Variants in SPAG16 observed in about 807,000 individuals in gnomAD.
The protein encoded by SPAG16 is sperm-associated antigen 16 protein.
In SPAG16, 86 loss-of-function variants were observed where a neutral mutation model predicts 80.4. The ratio of observed to expected loss-of-function variants is 1.07; its 90% confidence interval spans 0.90 to 1.28. SPAG16 has a LOEUF of 1.28. Ranked by LOEUF, SPAG16 falls within the 50% of genes most tolerant of loss-of-function variation. The probability of loss-of-function intolerance (pLI) is 0.00; values close to 1 mark genes in which losing one functional copy is unlikely to be tolerated. For missense variants in SPAG16, 870 were observed against 765.3 expected (o/e 1.14, Z -1.61); for synonymous variants, 294 against 265.9 (o/e 1.11, Z -1.03).
chr2:213,492,910 G>A (rs907278843), intron 10 of SPAG16, among the ~76,000 whole-genome samples: 9 of 152,092 alleles, frequency 5.9e-5, no homozygotes, highest in Non-Finnish European at 1.3e-4. Context: ...CACACACTAT[G>A]TCTGACCTTT....
At chr2:213,612,124 T>C in intron 10 of SPAG16, among the ~76,000 whole-genome samples, 1 of 152,116 alleles carries the variant, frequency 6.6e-6, no homozygotes, top group Non-Finnish European at 1.5e-5. Context: ...ATAGCAAAAA[T>C]AGAATGAGGG....
chr2:213,455,478 G>T (rs1267066009), intron 9 of SPAG16, among the ~76,000 whole-genome samples: 5 of 152,116 alleles, frequency 3.3e-5, no homozygotes, highest in Non-Finnish European at 7.4e-5. Context: ...CCTCAAGGCG[G>T]TTTGTCAACA....
At chr2:213,862,970 T>C (rs920000158) in intron 11 of SPAG16, among the ~76,000 whole-genome samples, 1 of 152,214 alleles carries the variant, frequency 6.6e-6, no homozygotes, top group Admixed American at 6.5e-5. Flanking sequence ...TTACCTTTGT[T>C]AATCTTTGGA....
chr2:213,717,382 G>A (rs539562056), intron 10 of SPAG16, among the ~76,000 whole-genome samples: 3 of 152,006 alleles, frequency 2.0e-5, no homozygotes, highest in East Asian at 3.9e-4. Flanking sequence ...GGATGGTCTC[G>A]ATCTCCTGAC....
intron 13 of SPAG16, among the ~76,000 whole-genome samples, chr2:214,085,390 A>AAAAG (rs547284490): frequency 7.3e-5 from 11 of 150,034 alleles, no homozygotes; most frequent in South Asian, 2.1e-4. Context: ...AAAAAAAAAA[A>AAAAG]AAAGAAAGAA....
intron 10 of SPAG16, among the ~76,000 whole-genome samples, chr2:213,595,579 T>C (rs2060858311): frequency 6.6e-6 from 1 of 152,122 alleles, no homozygotes; most frequent in African/African-American, 2.4e-5. Flanking sequence ...TTTTAGAATA[T>C]TTCTGTTACA....
At chr2:214,187,098 T>A (rs1420776930) in intron 15 of SPAG16, among the ~76,000 whole-genome samples, 1 of 152,078 alleles carries the variant, frequency 6.6e-6, no homozygotes, top group Non-Finnish European at 1.5e-5. Context: ...AAATAGAAGC[T>A]TTCAAAGTTT....
At chr2:214,134,741 T>C (rs965844023) in intron 14 of SPAG16, among the ~76,000 whole-genome samples, 3 of 152,230 alleles carry the variant, frequency 2.0e-5, no homozygotes, top group Non-Finnish European at 1.5e-5. Context: ...TTACTGAGAC[T>C]AGTGGCCTTC....
chr2:213,954,765 C>T (rs2044032845), intron 12 of SPAG16, among the ~76,000 whole-genome samples: 2 of 152,112 alleles, frequency 1.3e-5, no homozygotes, highest in African/African-American at 4.8e-5. Flanking sequence ...TTTATTCCTA[C>T]CAGCAGTCTA....
At chr2:213,698,477 G>A (rs1028246756) in intron 10 of SPAG16, among the ~76,000 whole-genome samples, 1 of 152,040 alleles carries the variant, frequency 6.6e-6, no homozygotes, top group Admixed American at 6.5e-5. Context: ...GCCCAGGATG[G>A]TATCAAACTC....
intron 14 of SPAG16, 34 bp from the exon 15 acceptor site, chr2:214,149,106 C>A: frequency 1.9e-6 from 2 of 1,065,670 alleles, no homozygotes; most frequent in Admixed American, 2.6e-5. Context: ...TACATACATA[C>A]ACATTTTATT....
intron 14 of SPAG16, among the ~76,000 whole-genome samples, chr2:214,147,014 AAAAT>A (rs1304621396): frequency 1.0e-5 from 1 of 96,492 alleles, no homozygotes; most frequent in Non-Finnish European, 2.1e-5. Context: ...AAAAAAAAAA[AAAAT>A]TTTCATATTC....
In SPAG16 at chr2:213,391,026, T is replaced by C. The variant is rs1332633565; in HGVS notation, c.942+15907T>C. On this transcript the variant is annotated intron_variant, in intron 9 of 15. Transcript: ENST00000331683. ...GACTCATGCCTGTAATCCCAGCACT[T>C]TGGGAGGCCAAGGTGGGTGGATCAC... 2.6e-5 allele frequency among the ~76,000 whole-genome samples: 4 copies of C among 152,180 alleles called. No homozygotes were observed. In the East Asian group the frequency reaches 5.8e-4, roughly 22 times the overall value.
chr2:213,557,519 T>G (rs2125970206), intron 10 of SPAG16, among the ~76,000 whole-genome samples: 1 of 152,130 alleles, frequency 6.6e-6, no homozygotes, highest in South Asian at 2.1e-4. Flanking sequence ...GCTGAGTCTT[T>G]CCAGGGAATA....
At chr2:213,663,661 A>G (rs530073761) in intron 10 of SPAG16, among the ~76,000 whole-genome samples, 3 of 152,226 alleles carry the variant, frequency 2.0e-5, no homozygotes, top group African/African-American at 7.2e-5. Flanking sequence ...CATTTTGATA[A>G]GGATTTATTG....
chr2:213,947,780 CTG>C (rs1463336894), intron 12 of SPAG16, among the ~76,000 whole-genome samples: 1 of 152,114 alleles, frequency 6.6e-6, no homozygotes, highest in Non-Finnish European at 1.5e-5. Flanking sequence ...TTCTGGTTCT[CTG>C]TTCTATTCTA....
At chr2:213,468,420 GAT>G (rs1224819190) in intron 9 of SPAG16, among the ~76,000 whole-genome samples, 123 of 136,864 alleles carry the variant, frequency 9.0e-4, no homozygotes, top group Non-Finnish European at 1.3e-3. Context: ...TTTATGTACA[GAT>G]ATATATATAT....
At chr2:213,293,659 A>G (rs765903888) in intron 1 of SPAG16, among the ~76,000 whole-genome samples, 6 of 152,150 alleles carry the variant, frequency 3.9e-5, no homozygotes, top group Non-Finnish European at 7.4e-5. Context: ...AGATGACTCT[A>G]ATTCTCCTGT....
At chr2:214,321,724 G>A (rs1696110255) in intron 15 of SPAG16, among the ~76,000 whole-genome samples, 1 of 152,108 alleles carries the variant, frequency 6.6e-6, no homozygotes, top group South Asian at 2.1e-4. Context: ...TATAATTTGT[G>A]CTTATTAGAC....
Sources: gnomAD v4.1 joint callset for allele counts (sites outside exome capture counted in the v4.1 genomes callset) on GRCh38, gnomAD v4.1.1 for gene constraint, MANE v1.5 for transcripts, NCBI Gene and HGNC (gene_info 2026-07-23, HGNC 2026-07-21) for gene names.